GNAO1: variants seen among roughly 807,000 people sequenced by gnomAD.
The protein encoded by GNAO1 is guanine nucleotide-binding protein G(o) subunit alpha.
For synonymous variants in GNAO1, 164 were observed against 180.7 expected, an observed-to-expected ratio of 0.91 and a Z score of 0.74; for missense variants, 166 against 478.7, an observed-to-expected ratio of 0.35 and a Z score of 6.10.
At chr16:56,286,763 C>G (rs530146827) in intron 3 of GNAO1, among the ~76,000 whole-genome samples, 1 of 152,118 alleles carries the variant, frequency 6.6e-6, no homozygotes, top group South Asian at 2.1e-4. Context: ...GTCTGTCTCT[C>G]TCTCTCATTG....
chr16:56,333,499 C>T lies in GNAO1; in HGVS notation c.465-1230C>T, dbSNP rs139675824. Among the ~76,000 whole-genome samples, 637 of 152,330 alleles carry T rather than the reference C, an allele frequency of 4.2e-3. 3 individuals are homozygous for T. Among genetic ancestry groups the T allele is most frequent in the Non-Finnish European group, 4.2e-3 (284 of 68,034 alleles). ...TGCTGGGATTACAGGCGTGAGCCAC[C>T]GCACCCGGCTGCCAAGTTCATTTTC... is the stretch of plus-strand genomic sequence containing the variant. On this transcript the variant is annotated intron_variant, in intron 4 of 8. Transcript: ENST00000262493.
At chr16:56,350,909 A>G (rs1448554230) in intron 6 of GNAO1, among the ~76,000 whole-genome samples, 2 of 152,196 alleles carry the variant, frequency 1.3e-5, no homozygotes, top group East Asian at 1.9e-4. Context: ...ACACAGGCAC[A>G]CACACAGGCA....
intron 2 of GNAO1, among the ~76,000 whole-genome samples, chr16:56,252,176 T>C (rs1167429201): frequency 1.3e-5 from 2 of 152,210 alleles, no homozygotes; most frequent in African/African-American, 4.8e-5. Context: ...TATCTGCAGG[T>C]ACATGGTAAA....
intron 2 of GNAO1, among the ~76,000 whole-genome samples, chr16:56,249,036 G>T (rs1312461653): frequency 6.6e-6 from 1 of 152,198 alleles, no homozygotes; most frequent in Non-Finnish European, 1.5e-5. Flanking sequence ...TCAGAGACAT[G>T]GGGCTGTCCA....
At chr16:56,320,949 C>T (rs1225822241) in intron 3 of GNAO1, among the ~76,000 whole-genome samples, 1 of 152,214 alleles carries the variant, frequency 6.6e-6, no homozygotes, top group African/African-American at 2.4e-5. Context: ...TAGTGTGCAG[C>T]ATGTATGTGG....
intron 3 of GNAO1, among the ~76,000 whole-genome samples, chr16:56,289,309 GCCAT>G (rs1225159752): frequency 6.6e-6 from 1 of 152,062 alleles, no homozygotes; most frequent in Non-Finnish European, 1.5e-5. Flanking sequence ...CCTCTTTTTT[GCCAT>G]CCATCAATGA....
At chr16:56,205,371 G>T (rs1482621454) in intron 2 of GNAO1, among the ~76,000 whole-genome samples, 1 of 152,218 alleles carries the variant, frequency 6.6e-6, no homozygotes, top group Non-Finnish European at 1.5e-5. Context: ...GACAACAAGA[G>T]CTGGAGGGAC....
intron 6 of GNAO1, among the ~76,000 whole-genome samples, chr16:56,350,682 G>C (rs994452682): frequency 1.3e-5 from 2 of 152,148 alleles, no homozygotes; most frequent in Non-Finnish European, 2.9e-5. Context: ...TGCTCCTGGA[G>C]GTGGCCCTGC....
At position 56,321,384 on chromosome 16, in the gene GNAO1, C is replaced by T. The variant is rs74668538; in HGVS notation, c.304-7247C>T. 6.4e-3 allele frequency among the ~76,000 whole-genome samples: 969 copies of T among 152,326 alleles called. 11 individuals carry two copies. Among genetic ancestry groups the T allele is most frequent in the African/African-American group, 0.021 (872 of 41,564 alleles). ...GTGCCTCCCTCTCAGCTCTGCTTTCCTCAGTGTTGGCTGCACACTCAGAGG... is the reference window on the plus strand; with the variant it reads ...GTGCCTCCCTCTCAGCTCTGCTTTCTTCAGTGTTGGCTGCACACTCAGAGG... On this transcript the variant is annotated intron_variant, in intron 3 of 8. Coordinates refer to ENST00000262493, the MANE Select transcript of GNAO1 (RefSeq NM_020988.3).
intron 3 of GNAO1, among the ~76,000 whole-genome samples, chr16:56,279,644 C>A (rs2037096591): frequency 6.6e-6 from 1 of 152,228 alleles, no homozygotes; most frequent in African/African-American, 2.4e-5. Flanking sequence ...CAGCTCAGGG[C>A]TTTCTCCATG....
At chr16:56,279,437 C>T (rs1376760201) in intron 3 of GNAO1, among the ~76,000 whole-genome samples, 2 of 152,334 alleles carry the variant, frequency 1.3e-5, no homozygotes, top group African/African-American at 2.4e-5. Context: ...AGGCCCCAGC[C>T]TCAGACTACA....
chr16:56,343,837 G>A (rs1794742775), intron 6 of GNAO1: 1 of 1,613,884 alleles, frequency 6.2e-7, no homozygotes, highest in Non-Finnish European at 8.5e-7. Flanking sequence ...AGCCCACAAA[G>A]AGATCTACAC....
intron 2 of GNAO1, among the ~76,000 whole-genome samples, chr16:56,202,929 T>C (rs1283161204): frequency 6.6e-6 from 1 of 152,208 alleles, no homozygotes; most frequent in African/African-American, 2.4e-5. Flanking sequence ...GGTAATAACC[T>C]CATACACAAA....
chr16:56,261,461 C>T (rs1211646341), intron 2 of GNAO1, among the ~76,000 whole-genome samples: 2 of 152,184 alleles, frequency 1.3e-5, no homozygotes, highest in Non-Finnish European at 2.9e-5. Flanking sequence ...TGGTGTCCTT[C>T]TCTGCCCAAT....
At chr16:56,336,431 TG>T in intron 5 of GNAO1, 1 of 277,916 alleles carries the variant, frequency 3.6e-6, no homozygotes, top group Non-Finnish European at 6.9e-6. Context: ...AGGCACTTCC[TG>T]GGGGTGGCTC....
At chr16:56,242,606 T>C (rs972052537) in intron 2 of GNAO1, among the ~76,000 whole-genome samples, 1 of 152,206 alleles carries the variant, frequency 6.6e-6, no homozygotes, top group Non-Finnish European at 1.5e-5. Flanking sequence ...TTGGGACAAC[T>C]GGATAGCCAC....
At position 56,300,214 on chromosome 16, in the gene GNAO1, A is replaced by G. The variant is rs146594503; in HGVS notation, c.303+24142A>G. 4.5e-3 allele frequency among the ~76,000 whole-genome samples: 688 copies of G among 152,258 alleles called. 8 individuals carry two copies. The highest frequency in any genetic ancestry group is 0.015 in the African/African-American group (634 of 41,532). On this transcript the variant is annotated intron_variant, in intron 3 of 8. Transcript: ENST00000262493. ...GGGCCACTTGCACTAATGACCTACT[A>G]TGTACCAGCTGTGTAAGCTGCTAGC...
intron 2 of GNAO1, among the ~76,000 whole-genome samples, chr16:56,269,230 G>A (rs900486364): frequency 1.3e-5 from 2 of 152,082 alleles, no homozygotes; most frequent in African/African-American, 2.4e-5. Flanking sequence ...GCTTTGGTCC[G>A]GAGAAACCCC....
At chr16:56,283,274 G>T (rs1382846294) in intron 3 of GNAO1, among the ~76,000 whole-genome samples, 1 of 152,092 alleles carries the variant, frequency 6.6e-6, no homozygotes, top group East Asian at 1.9e-4. Flanking sequence ...GGGGCAGCAC[G>T]ACCCTAACAG....
Sources: gnomAD v4.1 joint callset for allele counts (sites outside exome capture counted in the v4.1 genomes callset) on GRCh38, gnomAD v4.1.1 for gene constraint, MANE v1.5 for transcripts, NCBI Gene and HGNC (gene_info 2026-07-23, HGNC 2026-07-21) for gene names.